Variants in B4GALT1 observed in about 807,000 individuals in gnomAD.
B4GALT1 encodes the protein N-acetyllactosamine synthase.
Under a neutral mutation model 34.9 loss-of-function variants are expected in B4GALT1, and 16 were observed. The ratio of observed to expected loss-of-function variants is 0.46; its 90% CI spans 0.31 to 0.70. The LOEUF (loss-of-function observed/expected upper bound fraction) is 0.70. B4GALT1 is among the 30% of genes least tolerant of loss of function. B4GALT1 has a pLI of 0.05. For synonymous variants in B4GALT1, 221 were observed against 218.1 expected (o/e 1.01, Z -0.12); for missense variants, 445 against 530.5 (o/e 0.84, Z 1.58).
chr9:33,143,165 A>T (rs887718743), intron 1 of B4GALT1, among the ~76,000 whole-genome samples: 3 of 152,150 alleles, frequency 2.0e-5, no homozygotes, highest in South Asian at 2.1e-4. Flanking sequence ...AAATAATAAA[A>T]AATAAATTAA....
chr9:33,105,880 GTTTTTT>G (rs35330697), downstream of B4GALT1, among the ~76,000 whole-genome samples: 104 of 85,746 alleles, frequency 1.2e-3, no homozygotes, highest in African/African-American at 4.3e-3. Context: ...GGACTCGTGG[GTTTTTT>G]TTTTTTTTTT....
rs111611701 is a variant in B4GALT1 at position 33,130,540 on chromosome 9, G to A, written c.648+4649C>T. 4.6e-5 allele frequency among the ~76,000 whole-genome samples: 7 copies of A among 151,370 alleles called. 1 individual carries two copies. Among genetic ancestry groups the A allele is most frequent in the South Asian group, 4.2e-4 (2 of 4,750 alleles). On this transcript the variant is annotated intron_variant, in intron 2 of 5. Coordinates refer to ENST00000379731, the MANE Select transcript of B4GALT1 (RefSeq NM_001497.4). ...TATCTCAACCAGGAAAGCCTCTCCC[G>A]GCTCATTCCTTCAATATCCTTATTT...
At chr9:33,114,804 T>C (rs1433828819) in intron 4 of B4GALT1, among the ~76,000 whole-genome samples, 2 of 151,886 alleles carry the variant, frequency 1.3e-5, no homozygotes, top group African/African-American at 2.4e-5. Context: ...AAGTGGTGCA[T>C]AGAAAGTGTT....
At chr9:33,107,202 C>G (rs1439509736), downstream of B4GALT1, among the ~76,000 whole-genome samples, 1 of 152,174 alleles carries the variant, frequency 6.6e-6, no homozygotes, top group Non-Finnish European at 1.5e-5. Context: ...GGGGACACTG[C>G]CAAAGACGGA....
At chr9:33,158,193 CCACT>C (rs1223957224) in intron 1 of B4GALT1, among the ~76,000 whole-genome samples, 2 of 152,114 alleles carry the variant, frequency 1.3e-5, no homozygotes, top group East Asian at 3.8e-4. Context: ...CAGGCCCAGC[CCACT>C]CAAATTTCAG....
intron 1 of B4GALT1, among the ~76,000 whole-genome samples, chr9:33,147,859 T>C (rs1462233318): frequency 1.3e-5 from 2 of 151,752 alleles, no homozygotes; most frequent in East Asian, 3.9e-4. Context: ...ATATTAAGAC[T>C]TCCATCTCTA....
At position 33,146,981 on chromosome 9, in the gene B4GALT1, G is replaced by T. The variant is rs543959873; in HGVS notation, c.413-11557C>A. 6.1e-4 allele frequency among the ~76,000 whole-genome samples: 92 copies of T among 151,248 alleles called. 1 individual carries two copies. Among genetic ancestry groups the T allele is most frequent in the African/African-American group, 2.1e-3 (86 of 41,236 alleles). On this transcript the variant is annotated intron_variant, in intron 1 of 5. Transcript: ENST00000379731. ...CTCCCAAAGTGCTGGGATTACAGGC[G>T]AGAGCCACCACACCTGGCCCCCAAA...
intron 2 of B4GALT1, among the ~76,000 whole-genome samples, chr9:33,122,349 C>A (rs1275145141): frequency 2.6e-5 from 4 of 151,886 alleles, no homozygotes; most frequent in Non-Finnish European, 5.9e-5. Flanking sequence ...GAGACTCTGC[C>A]TCTACAAAAA....
chr9:33,183,036 T>C, the B4GALT1 span, among the ~76,000 whole-genome samples: 3 of 152,226 alleles, frequency 2.0e-5, no homozygotes, highest in African/African-American at 4.8e-5. Context: ...CGCTTTCCGA[T>C]GTCTCAGTTA....
intron 1 of B4GALT1, among the ~76,000 whole-genome samples, chr9:33,136,095 G>A (rs1840268944): frequency 6.6e-6 from 1 of 152,082 alleles, no homozygotes; most frequent in Non-Finnish European, 1.5e-5. Flanking sequence ...GAGACCGAGG[G>A]AAAATAAAAG....
At chr9:33,148,620 T>G (rs542206902) in intron 1 of B4GALT1, among the ~76,000 whole-genome samples, 7 of 152,344 alleles carry the variant, frequency 4.6e-5, no homozygotes, top group Non-Finnish European at 1.0e-4. Flanking sequence ...ATCAACATGC[T>G]GGACATATAC....
the B4GALT1 span, among the ~76,000 whole-genome samples, chr9:33,184,253 TACACACACACAC>T: frequency 5.2e-4 from 77 of 147,232 alleles, no homozygotes; most frequent in Non-Finnish European, 8.5e-4. Flanking sequence ...GTCACTCTTG[TACACACACACAC>T]ACACACACAC....
chr9:33,131,306 A>G (rs185986311), intron 2 of B4GALT1, among the ~76,000 whole-genome samples: 81 of 152,338 alleles, frequency 5.3e-4, no homozygotes, highest in African/African-American at 1.9e-3. Flanking sequence ...CACCTGTGAC[A>G]TGGAGCAGAA....
intron 2 of B4GALT1, among the ~76,000 whole-genome samples, chr9:33,125,536 C>T (rs1030131413): frequency 3.9e-5 from 6 of 152,142 alleles, no homozygotes; most frequent in African/African-American, 1.2e-4. Context: ...AGGCAACAAC[C>T]GTGGGTAAGC....
intron 1 of B4GALT1, among the ~76,000 whole-genome samples, chr9:33,155,018 C>T (rs1840576530): frequency 1.3e-5 from 2 of 152,072 alleles, no homozygotes; most frequent in African/African-American, 2.4e-5. Context: ...TGACAGCCAC[C>T]CCAGCATTAC....
At chr9:33,176,588 G>A in the B4GALT1 span, among the ~76,000 whole-genome samples, 1 of 152,134 alleles carries the variant, frequency 6.6e-6, no homozygotes, top group Non-Finnish European at 1.5e-5. Context: ...ATTATCCTAA[G>A]CAAATTAATG....
At chr9:33,161,247 G>C (rs1405614493) in intron 1 of B4GALT1, among the ~76,000 whole-genome samples, 1 of 152,124 alleles carries the variant, frequency 6.6e-6, no homozygotes, top group African/African-American at 2.4e-5. Context: ...GAAGCACTGA[G>C]TGTGTGACTC....
chr9:33,119,893 A>G (rs1839995116), intron 3 of B4GALT1, among the ~76,000 whole-genome samples: 2 of 152,130 alleles, frequency 1.3e-5, no homozygotes, highest in South Asian at 2.1e-4. Flanking sequence ...AATGCTAAAA[A>G]CTGTTCTTAG....
In B4GALT1 at chr9:33,132,147, G is replaced by A. The variant is rs567398163; in HGVS notation, c.648+3042C>T. Among the ~76,000 whole-genome samples the A allele has an allele frequency of 2.6e-5, 4 of 152,110 alleles. No individual in the cohort carries two copies. The South Asian group carries it at 6.2e-4, about 24-fold the overall frequency. ...GCAAAGAAAAAAAAAAGATGATATTGACAAGATAAGAAAAAAGGAGGTATA... is the reference window on the plus strand; with the variant it reads ...GCAAAGAAAAAAAAAAGATGATATTAACAAGATAAGAAAAAAGGAGGTATA... On this transcript the variant is annotated intron_variant, in intron 2 of 5. Coordinates refer to ENST00000379731, the MANE Select transcript of B4GALT1 (RefSeq NM_001497.4).
Sources: gnomAD v4.1 joint callset for allele counts (sites outside exome capture counted in the v4.1 genomes callset) on GRCh38, gnomAD v4.1.1 for gene constraint, MANE v1.5 for transcripts, NCBI Gene and HGNC (gene_info 2026-07-23, HGNC 2026-07-21) for gene names.